The following FHOD3 variants were observed in gnomAD, a reference collection of about 807,000 sequenced individuals.
FHOD3 encodes FH1/FH2 domain-containing protein 3.
Under a neutral mutation model 173.0 loss-of-function variants are expected in FHOD3, and 90 were observed. The ratio of observed to expected loss-of-function variants is 0.52; its 90% CI spans 0.44 to 0.62. FHOD3 has a LOEUF of 0.62. FHOD3 is among the 20% of genes least tolerant of loss of function. The pLI, the probability that FHOD3 is intolerant of heterozygous loss-of-function variation, is 0.00. For missense variants in FHOD3, 1,945 were observed against 2,034.7 expected, an observed-to-expected ratio of 0.96 and a Z score of 0.85; for synonymous variants, 828 against 823.0, an observed-to-expected ratio of 1.01 and a Z score of -0.10.
At chr18:36,454,330 TGCACACATGAGC>T (rs1325382534) in intron 3 of FHOD3, among the ~76,000 whole-genome samples, 3 of 151,962 alleles carry the variant, frequency 2.0e-5, no homozygotes, top group Admixed American at 1.3e-4. Context: ...TATGGGGTTG[TGCACACATGAGC>T]GCACACAGAA....
intron 27 of FHOD3, among the ~76,000 whole-genome samples, chr18:36,761,116 A>T (rs2042858737): frequency 6.6e-6 from 1 of 152,140 alleles, no homozygotes; most frequent in Admixed American, 6.5e-5. Flanking sequence ...GTTGGGACAC[A>T]GCCATATTTA....
chr18:36,504,166 C>T (rs889403908), intron 4 of FHOD3, among the ~76,000 whole-genome samples: 1 of 152,140 alleles, frequency 6.6e-6, no homozygotes, highest in African/African-American at 2.4e-5. Context: ...GGTGATTCAC[C>T]CACCCAGGCC....
At chr18:36,639,622 C>T (rs919950974) in intron 10 of FHOD3, among the ~76,000 whole-genome samples, 14 of 148,878 alleles carry the variant, frequency 9.4e-5, no homozygotes, top group African/African-American at 3.0e-4. Context: ...GAGATCGTGC[C>T]ACTGCACTCC....
chr18:36,618,311 G>GTT (rs34019893), intron 9 of FHOD3, among the ~76,000 whole-genome samples: 126 of 70,774 alleles, frequency 1.8e-3, no homozygotes, highest in African/African-American at 2.7e-3. Context: ...TTTTTTGGTG[G>GTT]TTTTTTTTTT....
intron 5 of FHOD3, among the ~76,000 whole-genome samples, chr18:36,564,580 G>A (rs927329597): frequency 7.2e-5 from 11 of 152,110 alleles, no homozygotes; most frequent in African/African-American, 1.7e-4. Context: ...GAATGAATAG[G>A]CCAGAAACAA....
intron 7 of FHOD3, among the ~76,000 whole-genome samples, chr18:36,596,473 G>A (rs1018297566): frequency 2.6e-5 from 4 of 151,858 alleles, no homozygotes; most frequent in African/African-American, 7.3e-5. Context: ...GTGAGCCAGC[G>A]TGCCCAGCCA....
chr18:36,509,320 G>A (rs780093340), intron 4 of FHOD3, among the ~76,000 whole-genome samples: 5 of 151,644 alleles, frequency 3.3e-5, no homozygotes, highest in East Asian at 3.9e-4. Flanking sequence ...CCAGCTACTC[G>A]GGAGGCTGAG....
At chr18:36,664,097 G>C (rs763033283) in intron 14 of FHOD3, among the ~76,000 whole-genome samples, 1 of 152,026 alleles carries the variant, frequency 6.6e-6, no homozygotes, top group African/African-American at 2.4e-5. Flanking sequence ...AAAAAAAATT[G>C]TCAGTGGAAT....
chr18:36,538,620 A>C (rs1343243188), intron 5 of FHOD3, among the ~76,000 whole-genome samples: 3 of 152,244 alleles, frequency 2.0e-5, no homozygotes, highest in African/African-American at 7.2e-5. Context: ...ATACTATGGA[A>C]TACAACTCAG....
chr18:36,698,755 C>T (rs759166063), intron 17 of FHOD3, among the ~76,000 whole-genome samples: 1 of 152,206 alleles, frequency 6.6e-6, no homozygotes, highest in Non-Finnish European at 1.5e-5. Flanking sequence ...CACAAAATTC[C>T]TGGGTCAGAG....
At chr18:36,625,842 C>T (rs979823820) in intron 10 of FHOD3, 93 bp downstream of exon 10, 60 of 1,078,702 alleles carry the variant, frequency 5.6e-5, no homozygotes, top group Admixed American at 1.2e-4. Context: ...CTGCTGGCCA[C>T]TTTGTCCCCC....
intron 15 of FHOD3, among the ~76,000 whole-genome samples, chr18:36,682,189 G>A (rs1249123274): frequency 6.6e-6 from 1 of 152,020 alleles, no homozygotes; most frequent in African/African-American, 2.4e-5. Flanking sequence ...TTCTCCTTCA[G>A]CCAGTCCACC....
At chr18:36,676,519 A>C (rs987278998) in intron 14 of FHOD3, among the ~76,000 whole-genome samples, 1 of 152,228 alleles carries the variant, frequency 6.6e-6, no homozygotes, top group South Asian at 2.1e-4. Flanking sequence ...TTCTTTATGC[A>C]TGCAAAAGTT....
chr18:36,352,063 T>G (rs1267707513), intron 1 of FHOD3, among the ~76,000 whole-genome samples: 1 of 152,156 alleles, frequency 6.6e-6, no homozygotes, highest in African/African-American at 2.4e-5. Flanking sequence ...CCTGCAAGAC[T>G]GATTGTCAAA....
At chr18:36,520,571 A>G (rs1412358159) in intron 5 of FHOD3, among the ~76,000 whole-genome samples, 3 of 152,298 alleles carry the variant, frequency 2.0e-5, no homozygotes, top group South Asian at 2.1e-4. Context: ...CCTGCATTCA[A>G]TCTGGAATCA....
At chr18:36,321,208 C>T (rs894456204) in intron 1 of FHOD3, among the ~76,000 whole-genome samples, 1 of 152,080 alleles carries the variant, frequency 6.6e-6, no homozygotes, top group African/African-American at 2.4e-5. Flanking sequence ...GTGATTGTGT[C>T]TGCCCAGGTG....
At position 36,658,130 on chromosome 18, in the gene FHOD3, A is replaced by G. The variant is rs199885700; in HGVS notation, c.1777A>G (p.Ser593Gly). Residue 593 changes from serine (S) to glycine (G), a missense_variant, in exon 14 of 29, where the codon AGT (serine) becomes GGT (glycine). Ser to Gly is a moderately conservative substitution (Grantham distance 56). This residue lies in a region of FHOD3 where 1,099 missense variants were observed against 1,051.2 expected (regional missense o/e 1.05). Transcript: ENST00000590592. ...CTCCTCAAGACCCTCATCTGGATCC[A>G]GTGTGCCCACCACCCCCACATCATC... Reference protein sequence around the residue: ...YHSSRPSSGSSVPTTPTSSVS... With the variant: ...YHSSRPSSGSGVPTTPTSSVS... 2 of 1,597,910 alleles carry G rather than the reference A, an allele frequency of 1.3e-6. No homozygotes were observed. Among genetic ancestry groups the G allele is most frequent in the Non-Finnish European group, 1.7e-6 (2 of 1,173,924 alleles).
intron 3 of FHOD3, among the ~76,000 whole-genome samples, chr18:36,438,829 T>G (rs2050963018): frequency 6.6e-6 from 1 of 152,194 alleles, no homozygotes; most frequent in African/African-American, 2.4e-5. Context: ...CACTTGAGTT[T>G]TCACTCAGAA....
intron 2 of FHOD3, among the ~76,000 whole-genome samples, chr18:36,370,702 A>G (rs1290524865): frequency 6.6e-6 from 1 of 152,176 alleles, no homozygotes; most frequent in Non-Finnish European, 1.5e-5. Flanking sequence ...TTTGTCTGCT[A>G]TTCATTTGAC....
Sources: gnomAD v4.1 joint callset for allele counts (sites outside exome capture counted in the v4.1 genomes callset) on GRCh38, gnomAD v4.1.1 for gene constraint, gnomAD v4.1.1 regional missense constraint, MANE v1.5 for transcripts, NCBI Gene and HGNC (gene_info 2026-07-23, HGNC 2026-07-21) for gene names.